The following PDIA6 variants were observed in gnomAD, a reference collection of about 807,000 sequenced individuals.
The protein encoded by PDIA6 is protein disulfide-isomerase A6.
Under a neutral mutation model 58.4 loss-of-function variants are expected in PDIA6, and 29 were observed. The ratio of observed to expected loss-of-function variants is 0.50; its 90% confidence interval spans 0.37 to 0.68. The LOEUF (loss-of-function observed/expected upper bound fraction) is 0.68. PDIA6 is among the 30% of genes least tolerant of loss of function. PDIA6 has a pLI of 0.00. For missense variants in PDIA6, 480 were observed against 551.0 expected, an observed-to-expected ratio of 0.87 and a Z score of 1.29; for synonymous variants, 192 against 202.6, an observed-to-expected ratio of 0.95 and a Z score of 0.44.
chr2:10,813,023 T>A (rs545755072), upstream of PDIA6, among the ~76,000 whole-genome samples: 1,432 of 152,044 alleles, frequency 9.4e-3, 22 homozygotes, highest in African/African-American at 0.033. Flanking sequence ...CCGCCTCAGC[T>A]CCTCCGGGCC....
At chr2:10,814,883 G>A (rs1416447630), upstream of PDIA6, among the ~76,000 whole-genome samples, 1 of 152,186 alleles carries the variant, frequency 6.6e-6, no homozygotes, top group African/African-American at 2.4e-5. Context: ...AACTGCGGTG[G>A]CCCACACTGC....
chr2:10,811,697 A>T (rs2148565556), intron 1 of PDIA6, among the ~76,000 whole-genome samples: 1 of 152,354 alleles, frequency 6.6e-6, no homozygotes, highest in East Asian at 1.9e-4. Flanking sequence ...GTCAGAGCCA[A>T]GGCTGTGACC....
intron 1 of PDIA6, among the ~76,000 whole-genome samples, chr2:10,804,233 G>T (rs930324921): frequency 1.8e-4 from 27 of 149,684 alleles, no homozygotes; most frequent in African/African-American, 6.4e-4. Context: ...TGACAAAAAA[G>T]TTTAAAAAAC....
intron 1 of PDIA6, among the ~76,000 whole-genome samples, chr2:10,826,837 C>T (rs79611937): frequency 0.073 from 11,188 of 152,238 alleles, 580 homozygotes; most frequent in South Asian, 0.13. Context: ...TCCCTCTTTC[C>T]CTCTGTTCAT....
chr2:10,812,710 C>G lies in PDIA6; in HGVS notation c.-14G>C, dbSNP rs746232430. ...CAGGAGAGCCATGCCGAGCGCCGGG[C>G]TACGTGCAGTCCCCACCGCCGCCGC... On this transcript the variant is annotated 5_prime_UTR_variant, in exon 1 of 13. Transcript: ENST00000272227. 1.9e-5 allele frequency: 29 copies of G among 1,522,578 alleles called. No homozygotes were observed. In the South Asian group the frequency reaches 2.1e-4, roughly 11 times the overall value. 94.3% of individuals were successfully genotyped at this position (1,522,578 alleles called of 1,614,324 possible). A position where few individuals can be genotyped will look rare whatever the true frequency, so the allele number is the denominator to read the frequency against.
At chr2:10,787,157 G>T in intron 11 of PDIA6, 124 bp downstream of exon 11, 2 of 822,470 alleles carry the variant, frequency 2.4e-6, no homozygotes, top group Non-Finnish European at 2.0e-6. Flanking sequence ...TCAATTCTCT[G>T]GAATTAGTTT....
At chr2:10,825,660 C>G (rs564618361) in intron 1 of PDIA6, among the ~76,000 whole-genome samples, 27 of 152,074 alleles carry the variant, frequency 1.8e-4, no homozygotes, top group African/African-American at 6.3e-4. Context: ...TTAAAAATGC[C>G]CAAAGGATCT....
chr2:10,786,551 A>G (rs1375811282), intron 11 of PDIA6, among the ~76,000 whole-genome samples: 1 of 151,358 alleles, frequency 6.6e-6, no homozygotes. Context: ...CAGCACACAA[A>G]CTTCTGTGTC....
chr2:10,787,092 C>G (rs56138270), intron 11 of PDIA6, among the ~76,000 whole-genome samples, 189 bp downstream of exon 11: 1 of 151,906 alleles, frequency 6.6e-6, no homozygotes, highest in African/African-American at 2.4e-5. Context: ...GCAGAGTATT[C>G]CATGGAAAAA....
upstream of PDIA6, among the ~76,000 whole-genome samples, chr2:10,834,141 G>A (rs1417140781): frequency 6.6e-6 from 1 of 152,260 alleles, no homozygotes; most frequent in Non-Finnish European, 1.5e-5. Context: ...AAAGATCCCA[G>A]TGAATTTGTA....
chr2:10,812,631 C>A, intron 1 of PDIA6, 47 bp downstream of exon 1: 2 of 1,498,212 alleles, frequency 1.3e-6, no homozygotes, highest in Non-Finnish European at 1.8e-6. Context: ...CGAAACCTTT[C>A]AGGCCGACCC....
chr2:10,816,303 T>A (rs920484318), upstream of PDIA6, among the ~76,000 whole-genome samples: 1 of 151,960 alleles, frequency 6.6e-6, no homozygotes, highest in Non-Finnish European at 1.5e-5. Context: ...GAGGCTGGTC[T>A]CGAACTCCCA....
chr2:10,791,817 G>C lies in PDIA6; in HGVS notation c.562C>G (p.Pro188Ala). 2 of 1,613,926 alleles carry C rather than the reference G, an allele frequency of 1.2e-6. No homozygotes were observed. Among genetic ancestry groups the C allele is most frequent in the East Asian group, 4.5e-5 (2 of 44,870 alleles). ...TACTTTTTGCAGTGTCCACACCAAG[G>C]AGCATAGAACTCAACCATCCAAACA... ...EDVWMVEFYAPWCGHCKNLEP... is the reference protein window; with the variant it reads ...EDVWMVEFYAAWCGHCKNLEP... Residue 188 changes from proline to alanine, a missense_variant, in exon 6 of 13, where the codon CCT (proline) becomes GCT (alanine). Physicochemically the swap from Pro to Ala is conservative, Grantham distance 27 (BLOSUM62 -1). Coordinates refer to ENST00000272227, the MANE Select transcript of PDIA6 (RefSeq NM_005742.4).
chr2:10,829,882 G>T (rs1667655999), intron 1 of PDIA6, among the ~76,000 whole-genome samples: 1 of 152,180 alleles, frequency 6.6e-6, no homozygotes, highest in East Asian at 1.9e-4. Context: ...TCAAACCTCA[G>T]CTTCTCCGTG....
At chr2:10,804,821 ATTTG>A (rs1666664780) in intron 1 of PDIA6, among the ~76,000 whole-genome samples, 1 of 139,536 alleles carries the variant, frequency 7.2e-6, no homozygotes, top group South Asian at 2.6e-4. Flanking sequence ...ATGTTCTTCC[ATTTG>A]TTTGTATCCT....
At chr2:10,796,353 C>T (rs1052278084) in intron 4 of PDIA6, among the ~76,000 whole-genome samples, 6 of 151,880 alleles carry the variant, frequency 4.0e-5, no homozygotes, top group Non-Finnish European at 7.4e-5. Flanking sequence ...ATGCCCAGCC[C>T]GTTTGTGATA....
At chr2:10,793,414 TTTA>T (rs544699191) in intron 4 of PDIA6, among the ~76,000 whole-genome samples, 5 of 152,308 alleles carry the variant, frequency 3.3e-5, no homozygotes, top group South Asian at 4.1e-4. Context: ...TCCTTTTTTA[TTTA>T]TTATTATTAT....
chr2:10,800,127 T>C (rs1227937141), intron 2 of PDIA6, among the ~76,000 whole-genome samples: 2 of 152,246 alleles, frequency 1.3e-5, no homozygotes, highest in Non-Finnish European at 2.9e-5. Flanking sequence ...TGATCGCCAC[T>C]ATAGTTGCTG....
chr2:10,831,701 A>G (rs1393032358), intron 1 of PDIA6, among the ~76,000 whole-genome samples: 1 of 152,016 alleles, frequency 6.6e-6, no homozygotes, highest in Non-Finnish European at 1.5e-5. Context: ...ATTGATACCA[A>G]CGTCTCCTTC....
Sources: gnomAD v4.1 joint callset for allele counts (sites outside exome capture counted in the v4.1 genomes callset) on GRCh38, gnomAD v4.1.1 for gene constraint, MANE v1.5 for transcripts, NCBI Gene and HGNC (gene_info 2026-07-23, HGNC 2026-07-21) for gene names.